TNKS: variants seen among roughly 807,000 people sequenced by gnomAD.
TNKS encodes the protein poly [ADP-ribose] polymerase tankyrase-1.
Under a neutral mutation model 135.8 loss-of-function variants are expected in TNKS, and 72 were observed. The observed-to-expected ratio is 0.53, with a 90% confidence interval of 0.44 to 0.64. TNKS has a LOEUF of 0.64. Among genes scored for constraint, TNKS ranks in the 30% least tolerant of loss-of-function variants. The pLI, the probability that TNKS is intolerant of heterozygous loss-of-function variation, is 0.00. For synonymous variants in TNKS, 849 were observed against 649.3 expected, an observed-to-expected ratio of 1.31 and a Z score of -4.68; for missense variants, 1,769 against 1,674.0, an observed-to-expected ratio of 1.06 and a Z score of -0.99.
At chr8:9,670,417 C>T (rs984336868) in intron 3 of TNKS, among the ~76,000 whole-genome samples, 18 of 152,154 alleles carry the variant, frequency 1.2e-4, no homozygotes, top group Admixed American at 1.2e-3. Flanking sequence ...GGCATGAAGC[C>T]ACATATCAGC....
intron 25 of TNKS, among the ~76,000 whole-genome samples, chr8:9,769,802 G>A (rs903445690): frequency 3.3e-5 from 5 of 151,854 alleles, no homozygotes; most frequent in Admixed American, 6.6e-5. Context: ...TGTATTTTTA[G>A]TAGAGACGAG....
intron 5 of TNKS, among the ~76,000 whole-genome samples, chr8:9,699,320 A>C (rs1235470167): frequency 1.3e-5 from 2 of 152,216 alleles, no homozygotes; most frequent in Non-Finnish European, 2.9e-5. Flanking sequence ...ACCATTCACT[A>C]GGTTTAGTCC....
At chr8:9,730,008 C>G (rs1403288172) in intron 13 of TNKS, among the ~76,000 whole-genome samples, 1 of 152,068 alleles carries the variant, frequency 6.6e-6, no homozygotes, top group Non-Finnish European at 1.5e-5. Context: ...ATCTCTTGAC[C>G]TCGTGATCTG....
At chr8:9,566,691 C>T (rs1456093518) in intron 1 of TNKS, among the ~76,000 whole-genome samples, 1 of 147,350 alleles carries the variant, frequency 6.8e-6, no homozygotes, top group Non-Finnish European at 1.5e-5. Context: ...TCACTGCAAG[C>T]TCCGCCTCCC....
chr8:9,567,957 G>A (rs1449989867), intron 1 of TNKS, among the ~76,000 whole-genome samples: 1 of 152,054 alleles, frequency 6.6e-6, no homozygotes, highest in African/African-American at 2.4e-5. Flanking sequence ...AAAAAGGGGG[G>A]TATCATAGTG....
intron 26 of TNKS, among the ~76,000 whole-genome samples, chr8:9,774,914 TGGGCATCC>T (rs1563229288): frequency 2.6e-5 from 4 of 152,100 alleles, no homozygotes; most frequent in African/African-American, 9.7e-5. Context: ...GAAGTAGGGG[TGGGCATCC>T]ACTCATTTTT....
chr8:9,665,584 A>G (rs917795364), intron 3 of TNKS, among the ~76,000 whole-genome samples: 1 of 152,184 alleles, frequency 6.6e-6, no homozygotes, highest in Non-Finnish European at 1.5e-5. Flanking sequence ...CATAAAAGGG[A>G]TTAGTAGTGT....
Position 9,648,944 on chromosome 8 carries a change from G to GA in TNKS, c.995-30994dup, listed in dbSNP as rs553613649. ...AGGATTGTATAGGAAATTCCTGGGA[G>GA]AAAAAAAAAAAAACAGTGGGATAGG... On this transcript the variant is annotated intron_variant, in intron 3 of 26. Transcript: ENST00000310430. Among the ~76,000 whole-genome samples the GA allele has an allele frequency of 8.0e-3, 1,073 of 134,080 alleles. 25 individuals carry two copies. The East Asian group carries it at 0.1, about 13-fold the overall frequency. 88.0% of individuals were successfully genotyped at this position (134,080 alleles called of 152,430 possible). A position where few individuals can be genotyped will look rare whatever the true frequency, so the allele number is the denominator to read the frequency against.
intron 11 of TNKS, among the ~76,000 whole-genome samples, chr8:9,712,812 C>T (rs1016488348): frequency 3.3e-5 from 5 of 152,148 alleles, no homozygotes; most frequent in African/African-American, 9.7e-5. Context: ...ATCACTTGAG[C>T]CCAAGAGGTC....
intron 3 of TNKS, among the ~76,000 whole-genome samples, chr8:9,652,218 C>G (rs1489464277): frequency 2.0e-5 from 3 of 152,112 alleles, no homozygotes; most frequent in Non-Finnish European, 4.4e-5. Context: ...AATATTCTTT[C>G]TTTTGGAGTG....
chr8:9,644,558 A>ACT (rs1800843102), intron 3 of TNKS, among the ~76,000 whole-genome samples: 1 of 152,076 alleles, frequency 6.6e-6, no homozygotes, highest in African/African-American at 2.4e-5. Flanking sequence ...TGGACTTTTT[A>ACT]CTGAAGGCTT....
chr8:9,764,987 C>T (rs1807348927), intron 23 of TNKS, among the ~76,000 whole-genome samples, 197 bp downstream of exon 23: 1 of 152,148 alleles, frequency 6.6e-6, no homozygotes, highest in African/African-American at 2.4e-5. Flanking sequence ...AAAATAGAGA[C>T]ATTCTGAAAG....
rs1486245058 is a variant in TNKS, at chr8:9,780,800, T to C, written c.*4064T>C. 2.0e-5 allele frequency: 3 copies of C among 152,202 alleles called. No individual in the cohort carries two copies. Among genetic ancestry groups the C allele is most frequent in the Non-Finnish European group, 4.4e-5 (3 of 68,028 alleles). The allele number at this position is 152,202 out of a possible 1,614,324, so 9.4% of individuals were successfully genotyped here. A position where few individuals can be genotyped will look rare whatever the true frequency, so the allele number is the denominator to read the frequency against. On this transcript the variant is annotated 3_prime_UTR_variant, in exon 27 of 27. Coordinates refer to ENST00000310430, the MANE Select transcript of TNKS (RefSeq NM_003747.3). ...TCTTATTTTATGATGGTATATTTCATAAGTAATATTCCCTTACATGCAATG... is the reference window on the plus strand; with the variant it reads ...TCTTATTTTATGATGGTATATTTCACAAGTAATATTCCCTTACATGCAATG...
chr8:9,595,023 C>G (rs966468675), intron 2 of TNKS, among the ~76,000 whole-genome samples: 1 of 152,178 alleles, frequency 6.6e-6, no homozygotes, highest in Non-Finnish European at 1.5e-5. Context: ...CCTTGAAAAT[C>G]TGATTCACTT....
chr8:9,577,524 T>C (rs1585188169), intron 1 of TNKS, among the ~76,000 whole-genome samples: 1 of 152,094 alleles, frequency 6.6e-6, no homozygotes, highest in Non-Finnish European at 1.5e-5. Flanking sequence ...GCATGTCTTA[T>C]ATGGTCAGGG....
chr8:9,717,706 C>G (rs146529965), intron 11 of TNKS, among the ~76,000 whole-genome samples: 5 of 152,074 alleles, frequency 3.3e-5, no homozygotes, highest in Non-Finnish European at 7.4e-5. Context: ...TGAATTTGAT[C>G]AAGATCCTTC....
chr8:9,667,875 A>G (rs1166761245), intron 3 of TNKS, among the ~76,000 whole-genome samples: 2 of 136,324 alleles, frequency 1.5e-5, no homozygotes, highest in African/African-American at 5.5e-5. Context: ...TTCATTTACT[A>G]GTTCTCTTTG....
chr8:9,743,532 G>C (rs1455751578), intron 17 of TNKS: 3 of 152,100 alleles, frequency 2.0e-5, no homozygotes, highest in Admixed American at 2.0e-4. Context: ...CATGCATGTG[G>C]AAATTGCATT....
At chr8:9,626,243 GAC>G (rs1310592847) in intron 3 of TNKS, among the ~76,000 whole-genome samples, 2 of 152,130 alleles carry the variant, frequency 1.3e-5, no homozygotes, top group Non-Finnish European at 2.9e-5. Flanking sequence ...AGATTTGTGT[GAC>G]ACAGATTTTT....
Sources: gnomAD v4.1 joint callset for allele counts (sites outside exome capture counted in the v4.1 genomes callset) on GRCh38, gnomAD v4.1.1 for gene constraint, MANE v1.5 for transcripts, NCBI Gene and HGNC (gene_info 2026-07-23, HGNC 2026-07-21) for gene names.